The following NFU1 variants were observed in gnomAD, a reference collection of about 807,000 sequenced individuals.
NFU1 encodes the protein NFU1 iron-sulfur cluster scaffold homolog, mitochondrial.
A neutral mutation model predicts 32.2 loss-of-function variants in NFU1; 30 were observed. The ratio of observed to expected loss-of-function variants is 0.93; its 90% CI spans 0.70 to 1.26. The LOEUF is 1.26. Ranked by LOEUF, NFU1 falls within the 50% of genes most tolerant of loss-of-function variation. NFU1 has a pLI of 0.00. For missense variants in NFU1, 306 were observed against 306.6 expected (o/e 1.00, Z 0.02); for synonymous variants, 112 against 104.6 (o/e 1.07, Z -0.43).
In NFU1 at chr2:69,406,041, A is replaced by G. The variant is rs778531770; in HGVS notation, c.526T>C (p.Leu176=). ...ACGTACCGTATTCTAGTATCTAACA[A>G]TTCCTTAATCATTGCCACAACTTCA... The part of the protein sequence containing the change: ...DDEVVAMIKE[L]LDTRIRPTVQ... Residue 176 remains leucine, a synonymous_variant, in exon 6 of 8, where the codon TTG becomes CTG. Coordinates refer to ENST00000410022, the MANE Select transcript of NFU1 (RefSeq NM_001002755.4). 1.1e-5 allele frequency: 17 copies of G among 1,602,476 alleles called. No homozygotes were observed. The Admixed American group carries it at 2.7e-4, about 25-fold the overall frequency.
rs375242060 is a variant in NFU1 at position 69,415,319 on chromosome 2, A to G, written c.370-20T>C. Reference sequence around the variant, plus strand: ...ATTTTCCTATAAACATTTAAAGGAAAATGCTGTATTTCCAGGCAACGGCAA... The same window carrying G: ...ATTTTCCTATAAACATTTAAAGGAAGATGCTGTATTTCCAGGCAACGGCAA... On this transcript the variant is annotated intron_variant, in intron 4 of 7. Transcript: ENST00000410022. 2.1e-6 allele frequency: 3 copies of G among 1,448,942 alleles called. No homozygotes were observed. Among genetic ancestry groups the G allele is most frequent in the Non-Finnish European group, 2.9e-6 (3 of 1,032,008 alleles). 89.8% of individuals were successfully genotyped at this position (1,448,942 alleles called of 1,614,324 possible).
At chr2:69,403,047 TTCTCTC>T (rs1455677410) in intron 6 of NFU1, among the ~76,000 whole-genome samples, 2 of 151,332 alleles carry the variant, frequency 1.3e-5, no homozygotes, top group Non-Finnish European at 2.9e-5. Flanking sequence ...TTCTTTCTCT[TTCTCTC>T]TTTCTTTCAT....
At chr2:69,404,751 C>A (rs1672643366) in intron 6 of NFU1, among the ~76,000 whole-genome samples, 3 of 150,326 alleles carry the variant, frequency 2.0e-5, no homozygotes, top group Admixed American at 2.0e-4. Context: ...TCCCTAGTAG[C>A]TGGGATTACA....
At chr2:69,396,067 G>A, downstream of NFU1, 1 of 555,102 alleles carries the variant, frequency 1.8e-6, no homozygotes, top group Non-Finnish European at 3.1e-6. Context: ...GTGTACAGAA[G>A]ATGATTCAAG....
chr2:69,438,236 C>G (rs1673924553), upstream of NFU1, among the ~76,000 whole-genome samples: 1 of 150,798 alleles, frequency 6.6e-6, no homozygotes, highest in African/African-American at 2.4e-5. Flanking sequence ...GACTAGAAAT[C>G]TTTGTTACTT....
At chr2:69,412,370 T>C (rs950701257) in intron 5 of NFU1, among the ~76,000 whole-genome samples, 3 of 151,432 alleles carry the variant, frequency 2.0e-5, no homozygotes, top group Non-Finnish European at 2.9e-5. Context: ...ATTTTATTTA[T>C]TTATTTTTTA....
intron 7 of NFU1, among the ~76,000 whole-genome samples, chr2:69,399,679 A>C (rs1247976574): frequency 6.6e-6 from 1 of 152,088 alleles, no homozygotes; most frequent in Non-Finnish European, 1.5e-5. Context: ...AAGATTTCTA[A>C]ATCTCATCTA....
At chr2:69,402,771 C>T (rs535376366) in intron 6 of NFU1, among the ~76,000 whole-genome samples, 1 of 151,918 alleles carries the variant, frequency 6.6e-6, no homozygotes, top group African/African-American at 2.4e-5. Flanking sequence ...TTAGTAGACA[C>T]AAGGTTTCTC....
intron 1 of NFU1, among the ~76,000 whole-genome samples, chr2:69,436,864 C>A (rs1040451633): frequency 1.3e-5 from 2 of 150,648 alleles, no homozygotes; most frequent in Non-Finnish European, 3.0e-5. Flanking sequence ...TCCTGGTTCT[C>A]GTCGGAATTC....
At chr2:69,416,299 A>G (rs925576647) in intron 4 of NFU1, 5 of 147,702 alleles carry the variant, frequency 3.4e-5, no homozygotes, top group Non-Finnish European at 7.4e-5. Flanking sequence ...ATTATTAATA[A>G]TATAATTATA....
upstream of NFU1, chr2:69,437,641 G>A (rs1207837930): frequency 1.5e-6 from 1 of 650,062 alleles, no homozygotes; most frequent in African/African-American, 1.8e-5. Flanking sequence ...TTGCGCCAAC[G>A]CTTGGTTAAT....
chr2:69,425,025 C>T (rs552677953), intron 2 of NFU1, among the ~76,000 whole-genome samples: 2 of 151,946 alleles, frequency 1.3e-5, no homozygotes, highest in South Asian at 2.1e-4. Context: ...TACAGGCACC[C>T]GCTGCCATGC....
At chr2:69,412,146 GTTCAAGCAATTCTCCTGCCTCAGCC>G (rs1672903623) in intron 5 of NFU1, among the ~76,000 whole-genome samples, 2 of 150,658 alleles carry the variant, frequency 1.3e-5, no homozygotes, top group African/African-American at 4.9e-5. Flanking sequence ...TGCCTCCCAA[GTTCAAGCAATTCTCCTGCCTCAGCC>G]TCCCAAGTAG....
intron 5 of NFU1, among the ~76,000 whole-genome samples, chr2:69,409,239 T>C (rs1672803030): frequency 6.6e-6 from 1 of 152,234 alleles, no homozygotes; most frequent in South Asian, 2.1e-4. Context: ...CTGTTTCATG[T>C]AGTACTAAAA....
chr2:69,437,724 T>C (rs1384794355), upstream of NFU1: 1 of 522,110 alleles, frequency 1.9e-6, no homozygotes, highest in East Asian at 3.5e-5. Flanking sequence ...TAGCTGGTGC[T>C]GGTGCTGCCT....
chr2:69,398,002 T>C (rs915558723), intron 7 of NFU1, among the ~76,000 whole-genome samples: 80 of 152,266 alleles, frequency 5.3e-4, no homozygotes, highest in African/African-American at 1.9e-3. Context: ...GTCTTTTTGG[T>C]TGAGTAAAAA....
At chr2:69,402,740 C>A (rs1368126511) in intron 6 of NFU1, among the ~76,000 whole-genome samples, 1 of 152,034 alleles carries the variant, frequency 6.6e-6, no homozygotes, top group Non-Finnish European at 1.5e-5. Context: ...CGCCACCATG[C>A]GTGGCTAATT....
At chr2:69,426,532 T>A (rs139883914) in intron 2 of NFU1, among the ~76,000 whole-genome samples, 1,787 of 151,674 alleles carry the variant, frequency 0.012, 33 homozygotes, top group African/African-American at 0.041. Flanking sequence ...GTGATCCGCC[T>A]GCCTTGGCCT....
chr2:69,424,728 A>G (rs1336337801), intron 2 of NFU1, among the ~76,000 whole-genome samples: 1 of 152,216 alleles, frequency 6.6e-6, no homozygotes, highest in African/African-American at 2.4e-5. Flanking sequence ...TCATAATCAC[A>G]GATCACTTAT....
Sources: gnomAD v4.1 joint callset for allele counts (sites outside exome capture counted in the v4.1 genomes callset) on GRCh38, gnomAD v4.1.1 for gene constraint, MANE v1.5 for transcripts, NCBI Gene and HGNC (gene_info 2026-07-23, HGNC 2026-07-21) for gene names.